Variants in REL observed in about 807,000 individuals in gnomAD.
REL encodes REL proto-oncogene, NF-kB subunit, also known as proto-oncogene c-Rel.
In REL, 15 loss-of-function variants were observed where a neutral mutation model predicts 45.9. The ratio of observed to expected loss-of-function variants is 0.33; its 90% CI spans 0.22 to 0.50. REL has a LOEUF of 0.50. Among genes scored for constraint, REL ranks in the 20% least tolerant of loss-of-function variants. REL has a pLI of 0.98. For synonymous variants in REL, 239 were observed against 242.1 expected, an observed-to-expected ratio of 0.99 and a Z score of 0.12; for missense variants, 601 against 715.2, an observed-to-expected ratio of 0.84 and a Z score of 1.82.
At position 60,923,888 on chromosome 2, in the gene REL, A is replaced by C; in HGVS notation, c.*1353A>C. On this transcript the variant is annotated 3_prime_UTR_variant, in exon 10 of 10. Transcript: ENST00000394479. ...GTCAACTCATACCATTCATCTGCTCAAAACCATTCATTGGCTTCTCATCTC... is the reference window on the plus strand; with the variant it reads ...GTCAACTCATACCATTCATCTGCTCCAAACCATTCATTGGCTTCTCATCTC... The C allele has an allele frequency of 4.3e-6, 1 of 232,992 alleles. No homozygotes were observed. The highest frequency in any genetic ancestry group is 2.2e-5 in the African/African-American group (1 of 45,444). 14.4% of individuals were successfully genotyped at this position (232,992 alleles called of 1,614,324 possible). A position where few individuals can be genotyped will look rare whatever the true frequency, so the allele number is the denominator to read the frequency against.
rs747722859 is a variant in REL, at chr2:60,891,678, T to C, written c.11-5T>C. The C allele has an allele frequency of 1.9e-6, 3 of 1,597,314 alleles. No homozygotes were observed. Among genetic ancestry groups the C allele is most frequent in the East Asian group, 4.5e-5 (2 of 44,292 alleles). Reference sequence around the variant, plus strand: ...CTGACCTCCTCCTTTTTAAAAACTTTTCAGGTGCGTATAACCCGTATATAG... The same window carrying C: ...CTGACCTCCTCCTTTTTAAAAACTTCTCAGGTGCGTATAACCCGTATATAG... On this transcript the variant is annotated splice_polypyrimidine_tract_variant and splice_region_variant and intron_variant, in intron 1 of 9. Coordinates refer to ENST00000394479, the MANE Select transcript of REL (RefSeq NM_001291746.2).
rs1423686858 is a variant in REL, at chr2:60,930,672, C to G, written c.*8137C>G. 1 of 91,174 alleles carries G rather than the reference C, an allele frequency of 1.1e-5. No homozygotes were observed. The highest frequency in any genetic ancestry group is 1.1e-4 in the Admixed American group (1 of 9,404). The allele number at this position is 91,174 out of a possible 1,614,324, so 5.6% of individuals were successfully genotyped here. A position where few individuals can be genotyped will look rare whatever the true frequency, so the allele number is the denominator to read the frequency against. ...AAACCACTCATGCCCTATTAATAAA[C>G]AAAATACAGATCAAAGTTTTCAAAA... On this transcript the variant is annotated 3_prime_UTR_variant, in exon 10 of 10. Transcript: ENST00000394479.
At chr2:60,882,982 G>A (rs1672983083) in intron 1 of REL, among the ~76,000 whole-genome samples, 1 of 152,096 alleles carries the variant, frequency 6.6e-6, no homozygotes, top group Non-Finnish European at 1.5e-5. Context: ...GGAGCTTAAG[G>A]TTGAGGGGGA....
chr2:60,903,110 C>T (rs943478231), intron 4 of REL, among the ~76,000 whole-genome samples: 2 of 152,152 alleles, frequency 1.3e-5, no homozygotes, highest in Non-Finnish European at 2.9e-5. Flanking sequence ...CAATATAAAA[C>T]AAGGAAATTA....
Position 60,920,053 on chromosome 2 carries a change from A to G in REL, c.866A>G (p.Asn289Ser), listed in dbSNP as rs368341827. 1.9e-6 allele frequency: 3 copies of G among 1,611,160 alleles called. No individual in the cohort carries two copies. The highest frequency in any genetic ancestry group is 1.3e-5 in the African/African-American group (1 of 74,932). Residue 289 changes from asparagine to serine, a missense_variant, in exon 8 of 10, where the codon AAT (asparagine) becomes AGT (serine). By Grantham distance (46) the Asn-to-Ser change is conservative. Around this residue, in one of 4 missense-constraint regions of REL, gnomAD observed 241 missense variants for 347.0 expected, o/e 0.69. Coordinates refer to ENST00000394479, the MANE Select transcript of REL (RefSeq NM_001291746.2). Reference protein sequence around the residue: ...YLPDEKDTYGNKAKKQKTTLL... With the variant: ...YLPDEKDTYGSKAKKQKTTLL... ...TCTTTCTAATCAGATACTTACGGCA[A>G]TAAAGCAAAGAAACAAAAGACAACT...
intron 3 of REL, among the ~76,000 whole-genome samples, chr2:60,894,917 C>A (rs1279775558): frequency 7.3e-6 from 1 of 137,562 alleles, no homozygotes; most frequent in Non-Finnish European, 1.5e-5. Flanking sequence ...AGTGCAATGG[C>A]GCAATCTCGG....
In REL at chr2:60,918,487, A is replaced by G; in HGVS notation, c.734A>G (p.Lys245Arg). The G allele has an allele frequency of 6.2e-7, 1 of 1,614,154 alleles. No homozygotes were observed. The change falls in exon 7 of 10, where the codon AAA (lysine) becomes AGA (arginine). Residue 245 changes from lysine (K) to arginine (R), a missense_variant. Lys to Arg is a conservative substitution (Grantham distance 26). This residue lies in a region of REL where 241 missense variants were observed against 347.0 expected (regional missense o/e 0.69). Coordinates refer to ENST00000394479, the MANE Select transcript of REL (RefSeq NM_001291746.2). ...DVHRQVAIVF[K>R]TPPYCKAITE... ...CACCGTCAAGTAGCCATTGTTTTCA[A>G]AACTCCACCATATTGCAAAGCTATC... is the stretch of plus-strand genomic sequence containing the variant.
rs970293738 is a variant in REL, at chr2:60,927,122, T to G, written c.*4587T>G. The G allele has an allele frequency of 1.8e-5, 4 of 225,764 alleles. No homozygotes were observed. The highest frequency in any genetic ancestry group is 3.5e-5 in the Non-Finnish European group (4 of 113,470). 14.0% of individuals were successfully genotyped at this position (225,764 alleles called of 1,614,324 possible). A position where few individuals can be genotyped will look rare whatever the true frequency, so the allele number is the denominator to read the frequency against. ...CCTGTATTACGGACATCCTCTTATTTAAGTGTTTGTCTCTTTCGTCATTGG... is the reference window on the plus strand; with the variant it reads ...CCTGTATTACGGACATCCTCTTATTGAAGTGTTTGTCTCTTTCGTCATTGG... On this transcript the variant is annotated 3_prime_UTR_variant, in exon 10 of 10. Transcript: ENST00000394479.
chr2:60,903,411 A>G (rs1431054656), intron 4 of REL, among the ~76,000 whole-genome samples: 1 of 151,976 alleles, frequency 6.6e-6, no homozygotes, highest in Admixed American at 6.6e-5. Context: ...GTTTTTTGAG[A>G]TGCCCGGGCT....
At chr2:60,883,147 AAG>A (rs780009886) in intron 1 of REL, among the ~76,000 whole-genome samples, 2 of 152,192 alleles carry the variant, frequency 1.3e-5, no homozygotes, top group Non-Finnish European at 2.9e-5. Flanking sequence ...ATGCTGTACT[AAG>A]AGAATGAAGA....
In REL at chr2:60,918,378, G is replaced by C. The variant is rs769445322; in HGVS notation, c.641-16G>C. ...TTGTTTTCCCATTTTTTTTTTTTTG[G>C]TTTCTTATTGACTAGATGACATAGA... is the stretch of plus-strand genomic sequence containing the variant. On this transcript the variant is annotated splice_polypyrimidine_tract_variant and intron_variant, in intron 6 of 9. Transcript: ENST00000394479. The C allele has an allele frequency of 1.9e-6, 3 of 1,565,238 alleles. No individual in the cohort carries two copies. The highest frequency in any genetic ancestry group is 1.9e-5 in the Admixed American group (1 of 52,100).
chr2:60,930,709 A>G lies in REL; in HGVS notation c.*8174A>G, dbSNP rs1321005181. ...CAAAGTTTTCAAAAGTAATCACTCT[A>G]TTTATTCTAAATGTCTGTGGCTTTA... On this transcript the variant is annotated 3_prime_UTR_variant, in exon 10 of 10. Coordinates refer to ENST00000394479, the MANE Select transcript of REL (RefSeq NM_001291746.2). The G allele has an allele frequency of 6.6e-6, 1 of 152,332 alleles. No homozygotes were observed. Among genetic ancestry groups the G allele is most frequent in the Non-Finnish European group, 1.5e-5 (1 of 68,032 alleles). The allele number at this position is 152,332 out of a possible 1,614,324, so 9.4% of individuals were successfully genotyped here.
intron 1 of REL, among the ~76,000 whole-genome samples, chr2:60,890,308 T>G (rs1417408287): frequency 6.6e-6 from 1 of 152,184 alleles, no homozygotes; most frequent in Non-Finnish European, 1.5e-5. Context: ...AACAACCCAA[T>G]GAGGTAGGTG....
At chr2:60,895,244 C>A (rs1203788960) in intron 3 of REL, among the ~76,000 whole-genome samples, 1 of 151,862 alleles carries the variant, frequency 6.6e-6, no homozygotes, top group African/African-American at 2.4e-5. Flanking sequence ...AGTGCAGTGG[C>A]ATGATCTCGG....
rs1293693326 is a variant in REL, at chr2:60,916,897, G to T, written c.415G>T (p.Asp139Tyr). The change falls in exon 5 of 10, where the codon GAT becomes TAT. Residue 139 changes from aspartate (D) to tyrosine (Y), a missense_variant. Coordinates refer to ENST00000394479, the MANE Select transcript of REL (RefSeq NM_001291746.2). ...TTCAGTCCCTGAAAAACAGCTGAAT[G>T]ATATTGAAGATTGTGACCTCAATGT... ...PFNVPEKQLNDIEDCDLNVVR... is the reference protein window; with the variant it reads ...PFNVPEKQLNYIEDCDLNVVR... The T allele has an allele frequency of 2.5e-6, 4 of 1,612,168 alleles. No individual in the cohort carries two copies. In the South Asian group the frequency reaches 4.4e-5, roughly 18 times the overall value.
At chr2:60,908,334 C>T (rs1487783280) in intron 4 of REL, among the ~76,000 whole-genome samples, 1 of 152,170 alleles carries the variant, frequency 6.6e-6, no homozygotes, top group African/African-American at 2.4e-5. Flanking sequence ...ATAGATTCCC[C>T]AACTAGTGTG....
intron 4 of REL, among the ~76,000 whole-genome samples, chr2:60,905,682 T>C (rs1448700496): frequency 1.3e-5 from 2 of 151,704 alleles, no homozygotes; most frequent in African/African-American, 4.8e-5. Context: ...CCGAGACAAG[T>C]TTTAGAGCAG....
chr2:60,898,039 A>G (rs927500057), intron 3 of REL, among the ~76,000 whole-genome samples: 2 of 152,116 alleles, frequency 1.3e-5, no homozygotes, highest in Non-Finnish European at 2.9e-5. Context: ...TACACATTGA[A>G]TCTACTAACA....
At chr2:60,901,242 G>A (rs1369881057) in intron 4 of REL, among the ~76,000 whole-genome samples, 159 bp downstream of exon 4, 4 of 131,504 alleles carry the variant, frequency 3.0e-5, no homozygotes, top group South Asian at 2.6e-4. Flanking sequence ...TGCAACCTCC[G>A]CCTCCCAGGT....
Sources: gnomAD v4.1 joint callset for allele counts (sites outside exome capture counted in the v4.1 genomes callset) on GRCh38, gnomAD v4.1.1 for gene constraint, gnomAD v4.1.1 regional missense constraint, MANE v1.5 for transcripts, NCBI Gene and HGNC (gene_info 2026-07-23, HGNC 2026-07-21) for gene names.